CELF2: variants seen among roughly 807,000 people sequenced by gnomAD.
CELF2 encodes the protein CUG triplet repeat RNA-binding protein 2.
CELF2 carries 8 observed loss-of-function variants against 62.6 expected under a neutral mutation model. The ratio of observed to expected loss-of-function variants is 0.13; its 90% CI spans 0.07 to 0.23. CELF2 has a LOEUF of 0.23. Ranked by LOEUF, CELF2 falls within the 10% of genes least tolerant of loss-of-function variation. The probability of loss-of-function intolerance (pLI) is 1.00; values close to 1 mark genes in which losing one functional copy is unlikely to be tolerated. For missense variants in CELF2, 333 were observed against 671.0 expected, an observed-to-expected ratio of 0.50 and a Z score of 5.56; for synonymous variants, 258 against 250.0, an observed-to-expected ratio of 1.03 and a Z score of -0.30.
intron 1 of CELF2, among the ~76,000 whole-genome samples, chr10:10,908,214 A>ATTTTTTTTTTTTGTTTTT (rs2063504171): frequency 1.2e-5 from 1 of 83,738 alleles, no homozygotes; most frequent in African/African-American, 4.8e-5. Context: ...GTATGAGGGG[A>ATTTTTTTTTTTTGTTTTT]TTTTTTTTTT....
chr10:11,025,231 G>GTATA lies in CELF2; in HGVS notation c.74+7069_74+7070insATAT, dbSNP rs776890125. On this transcript the variant is annotated intron_variant, in intron 1 of 12. Transcript: ENST00000633077. The stretch of plus-strand genomic sequence containing the variant: ...TATGTGTGTGTGTGTGTGTGTGTGT[G>GTATA]TGTGTGTGTATATGTATGTGACTGT... Among the ~76,000 whole-genome samples, 38 of 46,396 alleles carry GTATA rather than the reference G, an allele frequency of 8.2e-4. No individual in the cohort carries two copies. The South Asian group carries it at 0.017, about 20-fold the overall frequency. 30.4% of individuals were successfully genotyped at this position (46,396 alleles called of 152,430 possible). A position where few individuals can be genotyped will look rare whatever the true frequency, so the allele number is the denominator to read the frequency against.
chr10:10,979,560 A>T (rs1264809018), intron 2 of CELF2, among the ~76,000 whole-genome samples: 1 of 150,404 alleles, frequency 6.6e-6, no homozygotes, highest in East Asian at 2.0e-4. Context: ...AGTCTCAGCT[A>T]TGCAGGGGGC....
At chr10:10,984,562 C>T (rs2052524451) in intron 2 of CELF2, among the ~76,000 whole-genome samples, 1 of 152,136 alleles carries the variant, frequency 6.6e-6, no homozygotes, top group Non-Finnish European at 1.5e-5. Flanking sequence ...GAGAAAGGTA[C>T]ACTTTGAGGA....
At chr10:10,801,075 TA>T (rs57647636) in intron 1 of CELF2, among the ~76,000 whole-genome samples, 1 of 150,746 alleles carries the variant, frequency 6.6e-6, no homozygotes, top group African/African-American at 2.4e-5. Context: ...AACCCGTTTT[TA>T]AAAAAAAAAC....
chr10:10,516,864 A>G, the CELF2 span, among the ~76,000 whole-genome samples: 3 of 151,968 alleles, frequency 2.0e-5, no homozygotes. Flanking sequence ...TTCTCAGACA[A>G]TCCCTCTCAG....
At chr10:11,055,845 G>C (rs112714030) in intron 1 of CELF2, among the ~76,000 whole-genome samples, 2,768 of 152,138 alleles carry the variant, frequency 0.018, 101 homozygotes, top group African/African-American at 0.063. Context: ...ATTTCTAAAG[G>C]TTCCTTTTCA....
intron 1 of CELF2, among the ~76,000 whole-genome samples, chr10:11,132,445 C>G (rs1240022888): frequency 6.6e-6 from 1 of 152,082 alleles, no homozygotes; most frequent in Admixed American, 6.6e-5. Context: ...TAAATTAGCT[C>G]AAGAGCACAA....
the CELF2 span, among the ~76,000 whole-genome samples, chr10:10,792,827 G>A: frequency 6.6e-6 from 1 of 152,146 alleles, no homozygotes; most frequent in African/African-American, 2.4e-5. Flanking sequence ...TACCAAATTT[G>A]GTCTGTGATT....
intron 1 of CELF2, among the ~76,000 whole-genome samples, chr10:11,058,461 G>GTTTTTTTGTTTT (rs2065868708): frequency 8.6e-6 from 1 of 116,804 alleles, no homozygotes; most frequent in Non-Finnish European, 1.7e-5. Flanking sequence ...TTTTTTGTTG[G>GTTTTTTTGTTTT]TTTTTTTTTT....
At chr10:11,261,736 C>T (rs2080679860) in intron 5 of CELF2, among the ~76,000 whole-genome samples, 1 of 152,212 alleles carries the variant, frequency 6.6e-6, no homozygotes, top group Non-Finnish European at 1.5e-5. Flanking sequence ...ATGCTCAGCA[C>T]CTTCTGCAGC....
intron 1 of CELF2, among the ~76,000 whole-genome samples, chr10:11,095,620 A>G (rs915712649): frequency 5.3e-5 from 8 of 152,230 alleles, no homozygotes; most frequent in Admixed American, 2.0e-4. Flanking sequence ...ACTGGGAAAC[A>G]GCATCTCAGC....
intron 3 of CELF2, among the ~76,000 whole-genome samples, chr10:11,245,882 A>G (rs2075445859): frequency 6.6e-6 from 1 of 152,174 alleles, no homozygotes; most frequent in Non-Finnish European, 1.5e-5. Flanking sequence ...TGGACATTTT[A>G]TGGAGAAGCA....
chr10:11,218,061 G>A lies in CELF2; in HGVS notation c.354+554G>A, dbSNP rs370851086. Among the ~76,000 whole-genome samples the A allele has an allele frequency of 8.3e-4, 126 of 152,182 alleles. 1 individual carries two copies. Among genetic ancestry groups the A allele is most frequent in the African/African-American group, 2.9e-3 (120 of 41,518 alleles). ...TACAAAGCTTACAATTTTTTTCTCC[G>A]TTTCCTTCCCAGTAATATTTGATAG... On this transcript the variant is annotated intron_variant, in intron 3 of 12. Coordinates refer to ENST00000633077, the MANE Select transcript of CELF2 (RefSeq NM_001326342.2).
rs1489216746 is a variant in CELF2 at position 10,938,123 on chromosome 10, T to C, written c.89+18124T>C. On this transcript the variant is annotated intron_variant, in intron 2 of 13. Coordinates refer to the CELF2 transcript ENST00000636488. This position sits in a 1 kb window ranked among gnomAD's most constrained non-coding sequence, Gnocchi z 4.2. ...TAGAGGGGAGATGGGTAATACTGAA[T>C]ATGCAGAATTCAATCATAGAAAACT... Among the ~76,000 whole-genome samples the C allele has an allele frequency of 6.6e-6, 1 of 152,228 alleles. No individual in the cohort carries two copies. Among genetic ancestry groups the C allele is most frequent in the African/African-American group, 2.4e-5 (1 of 41,454 alleles).
the CELF2 span, among the ~76,000 whole-genome samples, chr10:10,532,833 AAG>A: frequency 1.4e-5 from 2 of 147,968 alleles, no homozygotes; most frequent in South Asian, 4.2e-4. Context: ...AAAATGATAC[AAG>A]AGAAAAAAAA....
intron 1 of CELF2, among the ~76,000 whole-genome samples, chr10:10,911,355 A>C (rs925190878): frequency 1.3e-5 from 2 of 152,236 alleles, no homozygotes; most frequent in Admixed American, 1.3e-4. Flanking sequence ...GAATACTAAA[A>C]TAATACAAGT....
the CELF2 span, among the ~76,000 whole-genome samples, chr10:10,749,144 G>C: frequency 6.6e-6 from 1 of 152,148 alleles, no homozygotes; most frequent in Non-Finnish European, 1.5e-5. Flanking sequence ...ATGTCAACTA[G>C]ATAATTGTAT....
At chr10:10,916,451 T>C (rs1028699693) in intron 1 of CELF2, among the ~76,000 whole-genome samples, 2 of 152,246 alleles carry the variant, frequency 1.3e-5, no homozygotes, top group Non-Finnish European at 2.9e-5. Flanking sequence ...TTTCCCCGGC[T>C]GGGACTTAAT....
intron 8 of CELF2, among the ~76,000 whole-genome samples, chr10:11,287,502 T>G (rs1397254088): frequency 6.6e-6 from 1 of 152,246 alleles, no homozygotes; most frequent in Non-Finnish European, 1.5e-5. Context: ...TAATTTTCAT[T>G]TCTATTTTTT....
Sources: gnomAD v4.1 joint callset for allele counts (sites outside exome capture counted in the v4.1 genomes callset) on GRCh38, gnomAD v4.1.1 for gene constraint, Gnocchi (gnomAD v3.1) non-coding constraint, MANE v1.5 for transcripts, NCBI Gene and HGNC (gene_info 2026-07-23, HGNC 2026-07-21) for gene names.